SGCD: variants seen among roughly 807,000 people sequenced by gnomAD.
SGCD encodes the protein sarcoglycan delta.
A neutral mutation model predicts 36.6 loss-of-function variants in SGCD; 18 were observed. That is an observed-to-expected ratio of 0.49 (90% CI 0.34 to 0.73). SGCD has a LOEUF of 0.73. Ranked by LOEUF, SGCD falls within the 30% of genes least tolerant of loss-of-function variation. The pLI is 0.01. For synonymous variants in SGCD, 133 were observed against 130.6 expected, an observed-to-expected ratio of 1.02 and a Z score of -0.12; for missense variants, 387 against 346.7, an observed-to-expected ratio of 1.12 and a Z score of -0.92.
At chr5:156,340,672 A>G (rs1768603124) in intron 2 of SGCD, among the ~76,000 whole-genome samples, 1 of 152,206 alleles carries the variant, frequency 6.6e-6, no homozygotes, top group African/African-American at 2.4e-5. Flanking sequence ...AAATTGTATG[A>G]CTATTGTCAT....
chr5:156,166,264 G>A (rs1257599543), intron 3 of SGCD, among the ~76,000 whole-genome samples: 4 of 151,746 alleles, frequency 2.6e-5, no homozygotes, highest in African/African-American at 9.7e-5. Flanking sequence ...CCACTTAAAA[G>A]GTACTGTAGT....
intron 3 of SGCD, among the ~76,000 whole-genome samples, chr5:156,147,205 G>A (rs1561539285): frequency 6.6e-6 from 1 of 152,176 alleles, no homozygotes; most frequent in Non-Finnish European, 1.5e-5. Flanking sequence ...TATCTTTTTA[G>A]TAAGATGTAT....
At chr5:156,171,106 A>G (rs1006684394) in intron 3 of SGCD, among the ~76,000 whole-genome samples, 14 of 152,186 alleles carry the variant, frequency 9.2e-5, no homozygotes, top group African/African-American at 3.1e-4. Flanking sequence ...TTGGAAATAT[A>G]CATCTGTAAT....
intron 7 of SGCD, among the ~76,000 whole-genome samples, chr5:156,687,509 A>C (rs1180400856): frequency 6.6e-6 from 1 of 152,182 alleles, no homozygotes; most frequent in Non-Finnish European, 1.5e-5. Context: ...TATGTCACTG[A>C]ACTGAATAGC....
At chr5:155,834,017 G>A in the SGCD span, among the ~76,000 whole-genome samples, 1 of 152,166 alleles carries the variant, frequency 6.6e-6, no homozygotes, top group Non-Finnish European at 1.5e-5. Flanking sequence ...TGTGGCTATG[G>A]CCCTTGCTGT....
chr5:156,367,658 A>G (rs1770175789), intron 3 of SGCD, among the ~76,000 whole-genome samples: 1 of 152,164 alleles, frequency 6.6e-6, no homozygotes, highest in Admixed American at 6.5e-5. Context: ...CTCCTACAGT[A>G]TGGAAGCTCC....
intron 3 of SGCD, among the ~76,000 whole-genome samples, chr5:156,419,718 T>C (rs1773214486): frequency 6.6e-6 from 1 of 152,110 alleles, no homozygotes. Context: ...CAAGAGAAAA[T>C]AGACTGCCTT....
chr5:155,948,790 T>A (rs1357569828), intron 1 of SGCD, among the ~76,000 whole-genome samples: 2 of 152,126 alleles, frequency 1.3e-5, no homozygotes, highest in African/African-American at 2.4e-5. Flanking sequence ...AGTTACCCAG[T>A]GGGGTGTCTG....
chr5:156,714,361 G>A (rs1755128818), intron 7 of SGCD, among the ~76,000 whole-genome samples: 1 of 152,200 alleles, frequency 6.6e-6, no homozygotes, highest in African/African-American at 2.4e-5. Context: ...CTGAAGTGCT[G>A]TCTAGTGTTT....
chr5:156,533,649 T>G (rs960123113), intron 4 of SGCD, among the ~76,000 whole-genome samples: 4 of 152,164 alleles, frequency 2.6e-5, no homozygotes, highest in Non-Finnish European at 5.9e-5. Context: ...AGAGTGACTC[T>G]TTTCTTAGGT....
chr5:155,845,064 C>T, the SGCD span, among the ~76,000 whole-genome samples: 1 of 152,170 alleles, frequency 6.6e-6, no homozygotes, highest in South Asian at 2.1e-4. Context: ...GTGTGATATT[C>T]CCCTCCCTGT....
At chr5:156,163,897 C>A (rs1763149266) in intron 3 of SGCD, among the ~76,000 whole-genome samples, 1 of 150,924 alleles carries the variant, frequency 6.6e-6, no homozygotes, top group African/African-American at 2.5e-5. Context: ...GTGGCACGCG[C>A]CTGTAGTCCC....
At chr5:156,524,092 TACTATATATATA>T (rs1757527777) in intron 4 of SGCD, among the ~76,000 whole-genome samples, 1 of 76,128 alleles carries the variant, frequency 1.3e-5, no homozygotes, top group African/African-American at 5.2e-5. Context: ...AGTGAGGTCT[TACTATATATATA>T]TATATATATA....
chr5:156,609,197 C>T (rs1309456188), intron 6 of SGCD, among the ~76,000 whole-genome samples: 7 of 152,074 alleles, frequency 4.6e-5, no homozygotes, highest in Non-Finnish European at 8.8e-5. Context: ...TGTTCCTTTC[C>T]ATGTTGAGTG....
chr5:155,761,628 C>A, the SGCD span, among the ~76,000 whole-genome samples: 11 of 145,414 alleles, frequency 7.6e-5, no homozygotes, highest in Non-Finnish European at 1.3e-4. Flanking sequence ...CATCATCACT[C>A]TCTCCATCAT....
intron 1 of SGCD, among the ~76,000 whole-genome samples, chr5:156,011,954 A>T (rs1460996846): frequency 6.6e-6 from 1 of 152,172 alleles, no homozygotes; most frequent in South Asian, 2.1e-4. Flanking sequence ...AGCAAGTTCC[A>T]TTCTGTTTGT....
intron 3 of SGCD, among the ~76,000 whole-genome samples, chr5:156,370,540 C>G (rs955571393): frequency 1.3e-5 from 2 of 152,170 alleles, no homozygotes; most frequent in African/African-American, 4.8e-5. Flanking sequence ...TTACTATTCT[C>G]TGCACACTGG....
At chr5:156,642,461 CT>C (rs58501471) in intron 6 of SGCD, among the ~76,000 whole-genome samples, 5,063 of 79,964 alleles carry the variant, frequency 0.063, 226 homozygotes, top group African/African-American at 0.24. Flanking sequence ...CAGCATCAGT[CT>C]TTTTTTTTTT....
At chr5:156,337,953 C>T (rs1580840372) in intron 2 of SGCD, among the ~76,000 whole-genome samples, 1 of 152,114 alleles carries the variant, frequency 6.6e-6, no homozygotes, top group South Asian at 2.1e-4. Context: ...ACAGCACCTA[C>T]CCCCATAAAT....
Sources: gnomAD v4.1 joint callset for allele counts (sites outside exome capture counted in the v4.1 genomes callset) on GRCh38, gnomAD v4.1.1 for gene constraint, MANE v1.5 for transcripts, NCBI Gene and HGNC (gene_info 2026-07-23, HGNC 2026-07-21) for gene names.